Variants in HAPLN1 observed in about 807,000 individuals in gnomAD.
HAPLN1 encodes Cartilage link protein.
In HAPLN1, 13 loss-of-function variants were observed where a neutral mutation model predicts 36.5. The ratio of observed to expected loss-of-function variants is 0.36; its 90% CI spans 0.23 to 0.57. HAPLN1 has a LOEUF of 0.57. Among genes scored for constraint, HAPLN1 ranks in the 20% least tolerant of loss-of-function variants. HAPLN1 has a pLI of 0.83. For synonymous variants in HAPLN1, 202 were observed against 169.8 expected, an observed-to-expected ratio of 1.19 and a Z score of -1.48; for missense variants, 407 against 439.7, an observed-to-expected ratio of 0.93 and a Z score of 0.66.
At chr5:83,704,500 C>T (rs993302158) in intron 1 of HAPLN1, among the ~76,000 whole-genome samples, 1 of 152,120 alleles carries the variant, frequency 6.6e-6, no homozygotes, top group Non-Finnish European at 1.5e-5. Context: ...ATGCTGCCTT[C>T]AAGAGAGATA....
At chr5:83,670,947 C>T (rs775993018) in intron 2 of HAPLN1, among the ~76,000 whole-genome samples, 5 of 152,126 alleles carry the variant, frequency 3.3e-5, no homozygotes, top group Non-Finnish European at 7.3e-5. Context: ...CCCGCCTCGG[C>T]CTCCCAAAGT....
intron 1 of HAPLN1, among the ~76,000 whole-genome samples, chr5:83,692,301 A>G (rs572123919): frequency 9.2e-5 from 14 of 152,068 alleles, no homozygotes; most frequent in African/African-American, 3.4e-4. Context: ...ATTCTAGCAC[A>G]AGAAACATGC....
chr5:83,645,475 C>CTTTTTTGTTTTTT (rs1749837863), intron 3 of HAPLN1, among the ~76,000 whole-genome samples: 1 of 74,370 alleles, frequency 1.3e-5, no homozygotes, highest in Non-Finnish European at 2.5e-5. Context: ...CTTTTTCTTT[C>CTTTTTTGTTTTTT]TTTTTTTTTT....
intron 3 of HAPLN1, among the ~76,000 whole-genome samples, chr5:83,648,437 A>ATATATATATATG (rs1334389654): frequency 7.8e-6 from 1 of 128,080 alleles, no homozygotes; most frequent in Non-Finnish European, 1.7e-5. Context: ...ATATATATAT[A>ATATATATATATG]TGGTTTGAAT....
At chr5:83,680,369 A>G (rs1321148276) in intron 1 of HAPLN1, among the ~76,000 whole-genome samples, 1 of 152,196 alleles carries the variant, frequency 6.6e-6, no homozygotes, top group Non-Finnish European at 1.5e-5. Flanking sequence ...GTATATGGGG[A>G]AAGCAGTACA....
intron 1 of HAPLN1, among the ~76,000 whole-genome samples, chr5:83,708,153 G>T (rs1751692994): frequency 6.6e-6 from 1 of 152,228 alleles, no homozygotes; most frequent in Non-Finnish European, 1.5e-5. Context: ...AAGCAGTATG[G>T]TGACTCCTCA....
intron 2 of HAPLN1, among the ~76,000 whole-genome samples, chr5:83,671,211 G>A (rs1355058667): frequency 6.6e-6 from 1 of 152,126 alleles, no homozygotes; most frequent in East Asian, 1.9e-4. Context: ...TCCCAATGTT[G>A]TTCAGACCTT....
intron 1 of HAPLN1, among the ~76,000 whole-genome samples, chr5:83,710,219 C>A (rs993357400): frequency 1.3e-5 from 2 of 151,988 alleles, no homozygotes; most frequent in South Asian, 2.1e-4. Flanking sequence ...AGGGTGGGGA[C>A]AAGCATCTTG....
Position 83,641,654 on chromosome 5 carries a change from G to T in HAPLN1, c.907C>A (p.Arg303Ser), listed in dbSNP as rs773075190. 6.2e-7 allele frequency: 1 copy of T among 1,614,134 alleles called. No individual in the cohort carries two copies. The highest frequency in any genetic ancestry group is 8.5e-7 in the Non-Finnish European group (1 of 1,180,032). Residue 303 changes from arginine (R) to serine (S), a missense_variant, in exon 5 of 5, where the codon CGC becomes AGC. By Grantham distance (110) the Arg-to-Ser change is moderately radical. Coordinates refer to ENST00000274341, the MANE Select transcript of HAPLN1 (RefSeq NM_001884.4). ...FAAWKILGYDRCDAGWLADGS... is the reference protein window; with the variant it reads ...FAAWKILGYDSCDAGWLADGS... ...TCCGCCAACCAGCCCGCATCACAGC[G>T]GTCATATCCGAGAATTTTCCAGGCA...
At chr5:83,679,122 C>T (rs969443457) in intron 1 of HAPLN1, among the ~76,000 whole-genome samples, 14 of 152,186 alleles carry the variant, frequency 9.2e-5, no homozygotes, top group Admixed American at 5.2e-4. Context: ...TTGCCAATGC[C>T]TGCAGTTACT....
chr5:83,680,198 G>T (rs1385772661), intron 1 of HAPLN1, among the ~76,000 whole-genome samples: 1 of 152,076 alleles, frequency 6.6e-6, no homozygotes, highest in Non-Finnish European at 1.5e-5. Context: ...TGAGATGGGG[G>T]TTAGACTTCT....
At position 83,639,245 on chromosome 5, in the gene HAPLN1, A is replaced by T. The variant is rs1395395235; in HGVS notation, c.*2251T>A. 2 of 152,074 alleles carry T rather than the reference A, an allele frequency of 1.3e-5. No homozygotes were observed. Among genetic ancestry groups the T allele is most frequent in the Non-Finnish European group, 2.9e-5 (2 of 67,932 alleles). 9.4% of individuals were successfully genotyped at this position (152,074 alleles called of 1,614,324 possible). A position where few individuals can be genotyped will look rare whatever the true frequency, so the allele number is the denominator to read the frequency against. ...CCTTTGAGCAAAATGAGAAGAAAAA[A>T]TTCTGCTCAGCAGTATTCACTGTGT... On this transcript the variant is annotated 3_prime_UTR_variant, in exon 5 of 5. Transcript: ENST00000274341.
chr5:83,643,263 A>G (rs1241550055), intron 4 of HAPLN1, among the ~76,000 whole-genome samples: 1 of 150,864 alleles, frequency 6.6e-6, no homozygotes, highest in Non-Finnish European at 1.5e-5. Flanking sequence ...AGGGAGAGTC[A>G]TTTGGGAACC....
chr5:83,681,447 CACAA>C (rs200774920), intron 1 of HAPLN1, among the ~76,000 whole-genome samples: 11 of 152,194 alleles, frequency 7.2e-5, no homozygotes, highest in African/African-American at 2.2e-4. Flanking sequence ...AAAAAATGGA[CACAA>C]ACAAATAAAA....
chr5:83,681,132 C>T (rs1310611222), intron 1 of HAPLN1, among the ~76,000 whole-genome samples: 1 of 151,960 alleles, frequency 6.6e-6, no homozygotes. Flanking sequence ...AAAATTAGAC[C>T]TTTAAAATAT....
chr5:83,694,949 C>T (rs1183845838), intron 1 of HAPLN1, among the ~76,000 whole-genome samples: 2 of 151,976 alleles, frequency 1.3e-5, no homozygotes, highest in East Asian at 1.9e-4. Context: ...CAAAATCAGA[C>T]AAAAACATTT....
In HAPLN1 at chr5:83,641,428, A is replaced by C; in HGVS notation, c.*68T>G. The C allele has an allele frequency of 6.9e-7, 1 of 1,447,108 alleles. No individual in the cohort carries two copies. Among genetic ancestry groups the C allele is most frequent in the Non-Finnish European group, 9.3e-7 (1 of 1,075,974 alleles). 89.6% of individuals were successfully genotyped at this position (1,447,108 alleles called of 1,614,324 possible). A position where few individuals can be genotyped will look rare whatever the true frequency, so the allele number is the denominator to read the frequency against. ...GTTTTGGTAACTTGCATGAGTTCAT[A>C]TTGGAAAAAAAAAACACCTTTCACA... On this transcript the variant is annotated 3_prime_UTR_variant, in exon 5 of 5. Coordinates refer to ENST00000274341, the MANE Select transcript of HAPLN1 (RefSeq NM_001884.4).
chr5:83,708,097 C>A (rs1448180865), intron 1 of HAPLN1, among the ~76,000 whole-genome samples: 2 of 152,226 alleles, frequency 1.3e-5, no homozygotes, highest in African/African-American at 2.4e-5. Context: ...AAAGCGAACA[C>A]TTATACATTG....
At chr5:83,657,523 C>G (rs984469211) in intron 2 of HAPLN1, among the ~76,000 whole-genome samples, 9 of 152,082 alleles carry the variant, frequency 5.9e-5, no homozygotes, top group South Asian at 4.1e-4. Flanking sequence ...CAGGGATGAT[C>G]GGTTGTCAGG....
Sources: gnomAD v4.1 joint callset for allele counts (sites outside exome capture counted in the v4.1 genomes callset) on GRCh38, gnomAD v4.1.1 for gene constraint, MANE v1.5 for transcripts, NCBI Gene and HGNC (gene_info 2026-07-23, HGNC 2026-07-21) for gene names.